Variants in PTK2 observed in about 807,000 individuals in gnomAD.
PTK2 encodes the protein focal adhesion kinase 1.
A neutral mutation model predicts 150.1 loss-of-function variants in PTK2; 45 were observed. That is an observed-to-expected ratio of 0.30 (90% confidence interval 0.24 to 0.38). The LOEUF is 0.38. Among genes scored for constraint, PTK2 ranks in the 10% least tolerant of loss-of-function variants. PTK2 has a pLI of 1.00. For missense variants in PTK2, 919 were observed against 1,307.3 expected (o/e 0.70, Z 4.58); for synonymous variants, 432 against 449.2 (o/e 0.96, Z 0.48).
At chr8:140,845,531 C>T (rs1020215175) in intron 7 of PTK2, among the ~76,000 whole-genome samples, 2 of 152,232 alleles carry the variant, frequency 1.3e-5, no homozygotes, top group African/African-American at 4.8e-5. Context: ...ACACCTCACA[C>T]ATCAAGTACC....
At chr8:140,838,685 CA>C (rs2100120301) in intron 7 of PTK2, among the ~76,000 whole-genome samples, 1 of 152,076 alleles carries the variant, frequency 6.6e-6, no homozygotes, top group Admixed American at 6.5e-5. Context: ...GATTTAAAAA[CA>C]GAATTTTATT....
intron 14 of PTK2, among the ~76,000 whole-genome samples, chr8:140,777,054 C>T (rs1041659264): frequency 2.0e-5 from 3 of 152,126 alleles, no homozygotes; most frequent in Admixed American, 6.5e-5. Flanking sequence ...GCTACTAAGG[C>T]GGGGAAACCA....
At chr8:140,984,841 A>C (rs2100192734) in intron 1 of PTK2, among the ~76,000 whole-genome samples, 2 of 152,096 alleles carry the variant, frequency 1.3e-5, no homozygotes, top group South Asian at 4.2e-4. Context: ...ATAGACAATA[A>C]GGGAATGACT....
intron 1 of PTK2, among the ~76,000 whole-genome samples, chr8:140,961,725 T>G (rs1042839348): frequency 6.6e-6 from 1 of 151,494 alleles, no homozygotes; most frequent in African/African-American, 2.4e-5. Flanking sequence ...AAGTTAATAC[T>G]AGAGAGCTCA....
intron 8 of PTK2, among the ~76,000 whole-genome samples, chr8:140,830,256 C>T (rs1330127553): frequency 6.6e-6 from 1 of 152,136 alleles, no homozygotes; most frequent in Non-Finnish European, 1.5e-5. Flanking sequence ...GAGTATCAAA[C>T]ACAATTAAGA....
chr8:140,803,490 A>C, intron 11 of PTK2, 53 bp downstream of exon 11: 3 of 1,438,380 alleles, frequency 2.1e-6, no homozygotes, highest in Non-Finnish European at 2.9e-6. Context: ...AACAATTCTA[A>C]AACATCCCTA....
At chr8:140,862,651 C>A (rs944968158) in intron 5 of PTK2, among the ~76,000 whole-genome samples, 1 of 152,150 alleles carries the variant, frequency 6.6e-6, no homozygotes, top group Non-Finnish European at 1.5e-5. Flanking sequence ...GAGCTGTGGG[C>A]AAGCGAGCAT....
intron 5 of PTK2, 151 bp from the exon 6 acceptor site, chr8:140,846,829 G>C (rs184678918): frequency 1.7e-6 from 1 of 583,474 alleles, no homozygotes; most frequent in Non-Finnish European, 2.9e-6. Context: ...AATGTTTCCT[G>C]AGTACCTTTC....
At chr8:140,658,326 GTTATC>G (rs1563691994) in exon 32 of PTK2, 6 of 172,190 alleles carry the variant, frequency 3.5e-5, no homozygotes, top group Admixed American at 1.3e-4. Context: ...TCTCTTGTAT[GTTATC>G]TTATCTGACA....
intron 1 of PTK2, among the ~76,000 whole-genome samples, chr8:140,977,433 C>T (rs906274227): frequency 2.0e-5 from 3 of 152,060 alleles, no homozygotes; most frequent in African/African-American, 4.8e-5. Flanking sequence ...ACCATCCTGG[C>T]CAACACGGTG....
chr8:140,848,865 G>A (rs970902839), intron 5 of PTK2, among the ~76,000 whole-genome samples: 1 of 152,094 alleles, frequency 6.6e-6, no homozygotes, highest in Non-Finnish European at 1.5e-5. Flanking sequence ...AGATTTCAGA[G>A]GAACTACTGC....
intron 26 of PTK2, among the ~76,000 whole-genome samples, chr8:140,691,538 A>G (rs76632785): frequency 0.012 from 1,894 of 152,154 alleles, 42 homozygotes; most frequent in African/African-American, 0.044. Context: ...GTTTCTTATC[A>G]TGAGATGCTA....
At chr8:140,939,940 G>C (rs984718440) in intron 1 of PTK2, among the ~76,000 whole-genome samples, 1 of 152,134 alleles carries the variant, frequency 6.6e-6, no homozygotes, top group African/African-American at 2.4e-5. Context: ...AATCACCAAG[G>C]AATCATCTGA....
intron 15 of PTK2, among the ~76,000 whole-genome samples, chr8:140,762,067 T>C (rs1403166489): frequency 6.6e-6 from 1 of 152,138 alleles, no homozygotes; most frequent in Non-Finnish European, 1.5e-5. Context: ...CTCATCTCCA[T>C]AGGTTATTGC....
At chr8:140,994,041 T>C (rs1569547715) in intron 1 of PTK2, among the ~76,000 whole-genome samples, 1 of 152,222 alleles carries the variant, frequency 6.6e-6, no homozygotes, top group Non-Finnish European at 1.5e-5. Flanking sequence ...AAAGGTATGA[T>C]TTTTGTCATT....
At chr8:140,804,784 G>A (rs1400769499) in intron 10 of PTK2, among the ~76,000 whole-genome samples, 6 of 152,316 alleles carry the variant, frequency 3.9e-5, no homozygotes, top group South Asian at 2.1e-4. Flanking sequence ...TTCCTGCGCC[G>A]TTTGTAGAGA....
At chr8:140,956,063 G>A (rs188866066) in intron 1 of PTK2, among the ~76,000 whole-genome samples, 1 of 152,280 alleles carries the variant, frequency 6.6e-6, no homozygotes, top group East Asian at 1.9e-4. Context: ...TACGCCCTAT[G>A]CACTTTCCTC....
intron 2 of PTK2, among the ~76,000 whole-genome samples, chr8:140,904,316 T>C (rs530791633): frequency 2.0e-5 from 3 of 152,370 alleles, no homozygotes; most frequent in Admixed American, 2.0e-4. Flanking sequence ...TTTGCGTTTG[T>C]TGAACAAGCC....
At chr8:140,741,017 G>A (rs191799163) in intron 20 of PTK2, among the ~76,000 whole-genome samples, 120 of 152,226 alleles carry the variant, frequency 7.9e-4, no homozygotes, top group African/African-American at 2.8e-3. Context: ...GGTGGTGTGT[G>A]CCTGTGGTCC....
Sources: gnomAD v4.1 joint callset for allele counts (sites outside exome capture counted in the v4.1 genomes callset) on GRCh38, gnomAD v4.1.1 for gene constraint, MANE v1.5 for transcripts, NCBI Gene and HGNC (gene_info 2026-07-23, HGNC 2026-07-21) for gene names.